The following GALNT13 variants were observed in gnomAD, a reference collection of about 807,000 sequenced individuals.
GALNT13 encodes the protein UDP-GalNAc:polypeptide N-acetylgalactosaminyltransferase 13.
A neutral mutation model predicts 64.2 loss-of-function variants in GALNT13; 28 were observed. That is an observed-to-expected ratio of 0.44 (90% CI 0.32 to 0.60). GALNT13 has a LOEUF of 0.60. GALNT13 is among the 20% of genes least tolerant of loss of function. The pLI is 0.05. For synonymous variants in GALNT13, 214 were observed against 224.6 expected (o/e 0.95, Z 0.42); for missense variants, 577 against 669.8 (o/e 0.86, Z 1.53).
chr2:153,734,877 C>T, the GALNT13 span, among the ~76,000 whole-genome samples: 1 of 152,116 alleles, frequency 6.6e-6, no homozygotes, highest in Non-Finnish European at 1.5e-5. Flanking sequence ...ACTGGAAATA[C>T]CAGCTTTTGC....
the GALNT13 span, among the ~76,000 whole-genome samples, chr2:153,608,668 A>G: frequency 2.8e-5 from 4 of 144,800 alleles, no homozygotes; most frequent in Non-Finnish European, 6.0e-5. Flanking sequence ...ATATTAATAT[A>G]TAAATATATG....
chr2:153,910,634 A>G (rs1688875278), intron 2 of GALNT13, among the ~76,000 whole-genome samples: 1 of 152,130 alleles, frequency 6.6e-6, no homozygotes, highest in South Asian at 2.1e-4. Flanking sequence ...AGTACGTTGT[A>G]GCTTTGTTCT....
intron 2 of GALNT13, among the ~76,000 whole-genome samples, chr2:153,932,626 C>CTTTTTTTTTTTTTTTTT (rs34617568): frequency 1.0e-5 from 1 of 95,652 alleles, no homozygotes; most frequent in Non-Finnish European, 2.0e-5. Flanking sequence ...TTCTGTCTTT[C>CTTTTTTTTTTTTTTTTT]TTTTTTTTTT....
the GALNT13 span, among the ~76,000 whole-genome samples, chr2:153,353,225 A>C: frequency 1.3e-5 from 2 of 152,020 alleles, no homozygotes; most frequent in African/African-American, 4.8e-5. Flanking sequence ...TGCTAATGTA[A>C]ATGTTTTTTT....
chr2:153,119,590 G>A, the GALNT13 span, among the ~76,000 whole-genome samples: 1 of 152,150 alleles, frequency 6.6e-6, no homozygotes, highest in Non-Finnish European at 1.5e-5. Flanking sequence ...ATCTTAATGT[G>A]TTTCAGCTGA....
intron 10 of GALNT13, among the ~76,000 whole-genome samples, chr2:154,406,193 C>T (rs1311968655): frequency 2.0e-5 from 3 of 152,128 alleles, no homozygotes; most frequent in African/African-American, 2.4e-5. Context: ...ACATTCGATT[C>T]AATGGAAAGT....
At chr2:154,101,046 C>T (rs1702322050) in intron 3 of GALNT13, among the ~76,000 whole-genome samples, 1 of 151,960 alleles carries the variant, frequency 6.6e-6, no homozygotes, top group Non-Finnish European at 1.5e-5. Context: ...TTGCATCGTG[C>T]AGTAGAAGCA....
At chr2:153,774,843 A>C in the GALNT13 span, among the ~76,000 whole-genome samples, 9 of 152,146 alleles carry the variant, frequency 5.9e-5, no homozygotes, top group African/African-American at 2.2e-4. Flanking sequence ...CCAGGAGGTC[A>C]AGGCTGCAGT....
intron 2 of GALNT13, among the ~76,000 whole-genome samples, chr2:153,927,956 G>A (rs1690264014): frequency 6.6e-6 from 1 of 152,024 alleles, no homozygotes; most frequent in African/African-American, 2.4e-5. Flanking sequence ...AAATATGGGA[G>A]CAGACAAATA....
At chr2:153,755,309 AGT>A in the GALNT13 span, among the ~76,000 whole-genome samples, 3 of 151,894 alleles carry the variant, frequency 2.0e-5, no homozygotes, top group Non-Finnish European at 2.9e-5. Context: ...CTCTATTTTT[AGT>A]TTTTTGAGGA....
chr2:154,441,787 C>A (rs937934187), intron 12 of GALNT13: 1 of 152,074 alleles, frequency 6.6e-6, no homozygotes, highest in African/African-American at 2.4e-5. Flanking sequence ...ATCTATCCAG[C>A]TACTTTGGTT....
At chr2:153,932,397 T>A (rs1000420215) in intron 2 of GALNT13, among the ~76,000 whole-genome samples, 2 of 151,886 alleles carry the variant, frequency 1.3e-5, no homozygotes, top group Admixed American at 1.3e-4. Flanking sequence ...ATTTGAGATC[T>A]TTTAAACTTT....
intron 3 of GALNT13, among the ~76,000 whole-genome samples, chr2:154,020,080 T>G (rs2105274085): frequency 6.6e-6 from 1 of 152,328 alleles, no homozygotes; most frequent in Admixed American, 6.5e-5. Context: ...ATGTGCCACA[T>G]TTTCTTACTA....
chr2:153,938,872 C>G (rs962848425), intron 2 of GALNT13, among the ~76,000 whole-genome samples: 7 of 152,056 alleles, frequency 4.6e-5, no homozygotes, highest in Non-Finnish European at 8.8e-5. Flanking sequence ...TTCTAAGATA[C>G]TAGGGGTTAG....
the GALNT13 span, among the ~76,000 whole-genome samples, chr2:153,337,345 T>A: frequency 2.0e-5 from 3 of 152,224 alleles, no homozygotes; most frequent in Non-Finnish European, 2.9e-5. Flanking sequence ...AAACATTTTT[T>A]AAAATTGCTT....
chr2:153,923,317 A>C lies in GALNT13; in HGVS notation c.-104-21077A>C, dbSNP rs181267090. ...ATATCTTTGCCAGAAATGTGAAGTG[A>C]AAAGGAAAATAAAATGTTGATTGCT... On this transcript the variant is annotated intron_variant, in intron 2 of 12. Coordinates refer to ENST00000392825, the MANE Select transcript of GALNT13 (RefSeq NM_052917.4). Among the ~76,000 whole-genome samples the C allele has an allele frequency of 1.3e-4, 20 of 152,332 alleles. No individual in the cohort carries two copies. In the East Asian group the frequency reaches 3.7e-3, roughly 28 times the overall value.
At chr2:153,909,291 A>T (rs1426979118) in intron 2 of GALNT13, among the ~76,000 whole-genome samples, 1 of 152,182 alleles carries the variant, frequency 6.6e-6, no homozygotes, top group South Asian at 2.1e-4. Context: ...TTGACTTTTT[A>T]TCCTGAAACT....
chr2:154,147,718 T>C (rs1191936599), intron 4 of GALNT13, among the ~76,000 whole-genome samples: 1 of 152,018 alleles, frequency 6.6e-6, no homozygotes, highest in Non-Finnish European at 1.5e-5. Flanking sequence ...TTGTTTGTTT[T>C]TGCAAATTCT....
the GALNT13 span, among the ~76,000 whole-genome samples, chr2:153,575,254 T>A: frequency 1.3e-5 from 2 of 152,218 alleles, no homozygotes; most frequent in African/African-American, 4.8e-5. Context: ...CACCTAAAGC[T>A]GCAGGTGAAA....
Sources: allele counts gnomAD v4.1 joint callset (sites outside exome capture counted in the v4.1 genomes callset), GRCh38; gene constraint gnomAD v4.1.1; transcripts MANE v1.5; gene names NCBI Gene and HGNC (gene_info 2026-07-23, HGNC 2026-07-21).